The following NXPE1 variants were observed in gnomAD, a reference collection of about 807,000 sequenced individuals.
NXPE1 encodes the protein neurexophilin and PC-esterase domain family member 1.
NXPE1 carries 31 observed loss-of-function variants against 33.3 expected under a neutral mutation model. The ratio of observed to expected loss-of-function variants is 0.93; its 90% CI spans 0.70 to 1.26. NXPE1 has a LOEUF of 1.26. NXPE1 is among the 50% of genes most tolerant of loss of function. The pLI is 0.00. For missense variants in NXPE1, 661 were observed against 655.6 expected (o/e 1.01, Z -0.09); for synonymous variants, 229 against 231.4 (o/e 0.99, Z 0.09).
downstream of NXPE1, among the ~76,000 whole-genome samples, chr11:114,521,112 T>C (rs754311154): frequency 7.2e-5 from 11 of 152,210 alleles, no homozygotes; most frequent in Non-Finnish European, 1.3e-4. Flanking sequence ...TAGCTGTAAT[T>C]CTTCCAAAAA....
chr11:114,530,047 G>C, intron 6 of NXPE1, 128 bp downstream of exon 6: 1 of 966,896 alleles, frequency 1.0e-6, no homozygotes, highest in Non-Finnish European at 1.5e-6. Flanking sequence ...GCCCCAAGAA[G>C]ACACCACATG....
At chr11:114,522,242 A>T (rs146135669) in exon 9 of NXPE1, 6 of 1,614,084 alleles carry the variant, frequency 3.7e-6, no homozygotes, top group Non-Finnish European at 3.4e-6. Context: ...AGCCTTTTGA[A>T]CACCGATGGC....
intron 5 of NXPE1, among the ~76,000 whole-genome samples, chr11:114,539,924 A>G (rs1487595497): frequency 6.6e-6 from 1 of 152,220 alleles, no homozygotes. Context: ...TTCCTATCAC[A>G]CACTACATAC....
chr11:114,522,477 T>C lies in NXPE1; in HGVS notation c.1135A>G (p.Thr379Ala), dbSNP rs750678399. ...AGCAAATGTTTCTTAAAGATTCCAGTTTCATGAAGATCAAAAAACTTCAGT... is the reference window on the plus strand; with the variant it reads ...AGCAAATGTTTCTTAAAGATTCCAGCTTCATGAAGATCAAAAAACTTCAGT... Residue 379 changes from threonine to alanine, a missense_variant, in exon 9 of 9, where the codon ACT becomes GCT. Physicochemically the swap from Thr to Ala is moderately conservative, Grantham distance 58 (BLOSUM62 0). Coordinates refer to ENST00000534921, the Ensembl canonical transcript of NXPE1. 5.0e-6 allele frequency: 8 copies of C among 1,603,886 alleles called. 1 individual carries two copies. In the South Asian group the frequency reaches 7.8e-5, roughly 16 times the overall value.
chr11:114,519,534 C>A (rs537250212), downstream of NXPE1, among the ~76,000 whole-genome samples: 3 of 152,178 alleles, frequency 2.0e-5, no homozygotes, highest in African/African-American at 7.2e-5. Flanking sequence ...GAGTAAATGA[C>A]AAAACACTGT....
At chr11:114,522,882 T>G in exon 8 of NXPE1, 1 of 1,608,170 alleles carries the variant, frequency 6.2e-7, no homozygotes, top group African/African-American at 1.3e-5. Flanking sequence ...TACCTACTTT[T>G]TACAACTTTG....
chr11:114,540,201 C>T (rs1048283037), intron 5 of NXPE1, among the ~76,000 whole-genome samples: 1 of 152,164 alleles, frequency 6.6e-6, no homozygotes, highest in Non-Finnish European at 1.5e-5. Flanking sequence ...AAGTGATCTG[C>T]CTGCCTCGGC....
intron 6 of NXPE1, chr11:114,529,938 A>C (rs1384800622): frequency 2.2e-5 from 10 of 462,418 alleles, no homozygotes; most frequent in Non-Finnish European, 2.6e-5. Flanking sequence ...TTTCAGTGGA[A>C]CATCTGTGAA....
intron 5 of NXPE1, among the ~76,000 whole-genome samples, chr11:114,544,559 T>C (rs566467307): frequency 5.3e-5 from 8 of 152,214 alleles, no homozygotes; most frequent in Admixed American, 2.6e-4. Flanking sequence ...GACCTCACAA[T>C]TGACAGAAAA....
intron 1 of NXPE1, among the ~76,000 whole-genome samples, chr11:114,557,652 T>C (rs998639950): frequency 3.2e-5 from 2 of 61,796 alleles, no homozygotes; most frequent in African/African-American, 6.0e-5. Context: ...TATATATATA[T>C]ATATATATAT....
rs980848060 is a variant in NXPE1 at position 114,554,082 on chromosome 11, C to T, written c.-210-1202G>A. Reference sequence around the variant, plus strand: ...ATGGTATCCCAAATCAGAAACTTGGCCACTATCTGACTCACTTGTCTCCTC... The same window carrying T: ...ATGGTATCCCAAATCAGAAACTTGGTCACTATCTGACTCACTTGTCTCCTC... On this transcript the variant is annotated intron_variant, in intron 1 of 8. Coordinates refer to ENST00000534921, the Ensembl canonical transcript of NXPE1. The T allele has an allele frequency of 6.1e-6, 6 of 985,320 alleles. No homozygotes were observed. In the Admixed American group the frequency reaches 1.8e-4, roughly 30 times the overall value. 61.0% of individuals were successfully genotyped at this position (985,320 alleles called of 1,614,324 possible).
intron 5 of NXPE1, among the ~76,000 whole-genome samples, chr11:114,549,312 C>T (rs2135099457): frequency 6.6e-6 from 1 of 151,950 alleles, no homozygotes; most frequent in South Asian, 2.1e-4. Flanking sequence ...AATATTGTAC[C>T]AAGAACTTTA....
chr11:114,522,180 C>T, exon 9 of NXPE1: 1 of 1,614,042 alleles, frequency 6.2e-7, no homozygotes. Context: ...CTGATGTTTT[C>T]TGTCTTAATA....
At chr11:114,546,301 T>C (rs1468654268) in intron 5 of NXPE1, among the ~76,000 whole-genome samples, 1 of 152,164 alleles carries the variant, frequency 6.6e-6, no homozygotes, top group Non-Finnish European at 1.5e-5. Context: ...TTCCTCATGA[T>C]TGATGTGGTA....
intron 5 of NXPE1, among the ~76,000 whole-genome samples, chr11:114,538,743 C>T (rs1947949405): frequency 6.6e-6 from 1 of 152,080 alleles, no homozygotes; most frequent in Non-Finnish European, 1.5e-5. Flanking sequence ...GATACCATCT[C>T]ACACCAGTTA....
chr11:114,544,923 C>A (rs747910625), intron 5 of NXPE1, among the ~76,000 whole-genome samples: 3 of 151,996 alleles, frequency 2.0e-5, no homozygotes, highest in Non-Finnish European at 2.9e-5. Flanking sequence ...GGACACCTCA[C>A]CAAAGAAGAG....
At chr11:114,543,837 C>T (rs1948185125) in intron 5 of NXPE1, among the ~76,000 whole-genome samples, 1 of 152,050 alleles carries the variant, frequency 6.6e-6, no homozygotes. Context: ...AGAATCTACC[C>T]AAAGAATCTA....
intron 5 of NXPE1, among the ~76,000 whole-genome samples, chr11:114,547,201 A>G (rs1948311535): frequency 6.6e-6 from 1 of 152,182 alleles, no homozygotes; most frequent in Non-Finnish European, 1.5e-5. Flanking sequence ...CAGCCAGGTG[A>G]TCAAGATTAA....
chr11:114,538,981 A>G (rs1389589601), intron 5 of NXPE1, among the ~76,000 whole-genome samples: 1 of 149,952 alleles, frequency 6.7e-6, no homozygotes, highest in Non-Finnish European at 1.5e-5. Flanking sequence ...AGACACATGC[A>G]CACGTGTGTT....
Sources: allele counts gnomAD v4.1 joint callset (sites outside exome capture counted in the v4.1 genomes callset), GRCh38; gene constraint gnomAD v4.1.1; transcripts MANE v1.5; gene names NCBI Gene and HGNC (gene_info 2026-07-23, HGNC 2026-07-21).